Variants in DTNA observed in about 807,000 individuals in gnomAD.
The protein encoded by DTNA is dystrophin-related protein 3.
A neutral mutation model predicts 100.7 loss-of-function variants in DTNA; 43 were observed. The ratio of observed to expected loss-of-function variants is 0.43; its 90% CI spans 0.33 to 0.55. The LOEUF is 0.55. DTNA is among the 20% of genes least tolerant of loss of function. The pLI is 0.04. For synonymous variants in DTNA, 349 were observed against 347.9 expected, an observed-to-expected ratio of 1.00 and a Z score of -0.04; for missense variants, 798 against 953.9, an observed-to-expected ratio of 0.84 and a Z score of 2.15.
chr18:34,530,904 A>G (rs1005751979), intron 1 of DTNA, among the ~76,000 whole-genome samples: 6 of 152,150 alleles, frequency 3.9e-5, no homozygotes, highest in Admixed American at 2.6e-4. Flanking sequence ...GCTTTCTACT[A>G]ATACATCAGC....
At chr18:34,536,357 G>A (rs1047007527) in intron 1 of DTNA, among the ~76,000 whole-genome samples, 8 of 151,714 alleles carry the variant, frequency 5.3e-5, no homozygotes, top group African/African-American at 1.9e-4. Flanking sequence ...GCCTTTCTGC[G>A]AAATGGTTTT....
At chr18:34,517,050 A>T (rs1055198209) in intron 1 of DTNA, among the ~76,000 whole-genome samples, 3 of 152,098 alleles carry the variant, frequency 2.0e-5, no homozygotes, top group Non-Finnish European at 4.4e-5. Context: ...AATTTGGGGA[A>T]CTAATAAATG....
intron 2 of DTNA, among the ~76,000 whole-genome samples, chr18:34,761,355 A>G (rs897653056): frequency 6.6e-6 from 1 of 152,222 alleles, no homozygotes; most frequent in Non-Finnish European, 1.5e-5. Flanking sequence ...AAAAGGCAAA[A>G]CATACAAAAA....
At chr18:34,697,566 T>C (rs902968852) in intron 1 of DTNA, among the ~76,000 whole-genome samples, 5 of 152,010 alleles carry the variant, frequency 3.3e-5, no homozygotes, top group African/African-American at 4.8e-5. Context: ...AAAAGGTTCC[T>C]GAAAAGGGAA....
Position 34,756,002 on chromosome 18 carries a change from GA to G in DTNA, c.29del (p.Asn10IlefsTer13). On this transcript the variant is annotated frameshift_variant, in exon 2 of 23. Transcript: ENST00000444659. LOFTEE classifies it high-confidence loss of function. Reference sequence around the variant, plus strand: ...ATGATTGAAGATAGTGGGAAAAGAGGAAATACCATGGCAGAAAGAAGACAGC... The same window carrying G: ...ATGATTGAAGATAGTGGGAAAAGAGGAATACCATGGCAGAAAGAAGACAGC... MIEDSGKRGNTMAERRQLF... is the reference protein window; with the variant it reads MIEDSGKRXNTMAERRQLF... The G allele has an allele frequency of 6.2e-7, 1 of 1,613,362 alleles. No individual in the cohort carries two copies. Among genetic ancestry groups the G allele is most frequent in the South Asian group, 1.1e-5 (1 of 91,048 alleles).
chr18:34,772,112 C>T (rs558847903), intron 3 of DTNA, among the ~76,000 whole-genome samples: 1 of 152,314 alleles, frequency 6.6e-6, no homozygotes, highest in East Asian at 1.9e-4. Context: ...TTCTATCCTA[C>T]ACCCACAGCT....
In DTNA at chr18:34,666,609, G is replaced by T. The variant is rs1386433977; in HGVS notation, c.-1-89367G>T. Among the ~76,000 whole-genome samples the T allele has an allele frequency of 2.0e-5, 3 of 152,186 alleles. No individual in the cohort carries two copies. The East Asian group carries it at 5.8e-4, about 29-fold the overall frequency. The stretch of plus-strand genomic sequence containing the variant: ...GAATTAATTTTTGTACAAGGTATAA[G>T]GAAGGGATCCAGTTTCAGCTTTCTA... On this transcript the variant is annotated intron_variant, in intron 1 of 19. Transcript: ENST00000283365.
chr18:34,724,182 A>G (rs1050440817), intron 1 of DTNA, among the ~76,000 whole-genome samples: 8 of 152,246 alleles, frequency 5.3e-5, no homozygotes, highest in African/African-American at 1.9e-4. Flanking sequence ...TGACTTGACA[A>G]TAATTATGCC....
At chr18:34,557,805 G>A (rs1007958609) in intron 1 of DTNA, among the ~76,000 whole-genome samples, 2 of 152,252 alleles carry the variant, frequency 1.3e-5, no homozygotes, top group Admixed American at 6.5e-5. Context: ...GTCTGCAGAG[G>A]TTACTGCTGC....
intron 1 of DTNA, among the ~76,000 whole-genome samples, chr18:34,753,380 TTTATTTTTTA>T (rs1171391501): frequency 2.9e-3 from 8 of 2,786 alleles, no homozygotes; most frequent in African/African-American, 0.011. Context: ...TTTTTTTTTT[TTTATTTTTTA>T]TTTTTTTTTT....
At chr18:34,507,498 G>A (rs1169735728) in intron 1 of DTNA, among the ~76,000 whole-genome samples, 1 of 152,142 alleles carries the variant, frequency 6.6e-6, no homozygotes, top group Non-Finnish European at 1.5e-5. Context: ...CTACTTGGTA[G>A]GTTAAGTACA....
intron 1 of DTNA, among the ~76,000 whole-genome samples, chr18:34,613,038 A>G (rs556063118): frequency 9.3e-4 from 142 of 152,252 alleles, no homozygotes; most frequent in African/African-American, 3.1e-3. Context: ...TCTATCTGCC[A>G]TTTTTCCAAC....
intron 1 of DTNA, among the ~76,000 whole-genome samples, chr18:34,599,608 AT>A (rs2051354080): frequency 6.6e-6 from 1 of 152,156 alleles, no homozygotes; most frequent in South Asian, 2.1e-4. Context: ...ATATCCCTTC[AT>A]TTTACTTTTT....
chr18:34,538,816 TTGTA>T (rs1465042877), intron 1 of DTNA, among the ~76,000 whole-genome samples: 1 of 151,976 alleles, frequency 6.6e-6, no homozygotes, highest in African/African-American at 2.4e-5. Context: ...TAATATATAA[TTGTA>T]TGTGTACAGT....
chr18:34,559,347 G>A (rs2046422137), intron 1 of DTNA, among the ~76,000 whole-genome samples: 1 of 152,118 alleles, frequency 6.6e-6, no homozygotes, highest in African/African-American at 2.4e-5. Context: ...GGATAAGTGG[G>A]GGGAAAAATG....
intron 1 of DTNA, among the ~76,000 whole-genome samples, chr18:34,677,749 T>A (rs1600058171): frequency 6.6e-6 from 1 of 152,130 alleles, no homozygotes; most frequent in African/African-American, 2.4e-5. Flanking sequence ...GTTGTAATAA[T>A]ACATTTAATT....
At chr18:34,721,529 C>T (rs975694142) in intron 1 of DTNA, among the ~76,000 whole-genome samples, 2 of 152,190 alleles carry the variant, frequency 1.3e-5, no homozygotes, top group East Asian at 1.9e-4. Context: ...CAAACAAAAA[C>T]GTGACGCAGT....
chr18:34,660,788 G>A (rs2075074447), intron 1 of DTNA, among the ~76,000 whole-genome samples: 1 of 152,158 alleles, frequency 6.6e-6, no homozygotes, highest in African/African-American at 2.4e-5. Flanking sequence ...ATTAGAAATT[G>A]TTTGAATCTA....
intron 8 of DTNA, 118 bp downstream of exon 8, chr18:34,818,448 A>G (rs572150323): frequency 5.2e-6 from 8 of 1,542,954 alleles, no homozygotes; most frequent in Admixed American, 2.0e-5. Context: ...TCCCAGGTCT[A>G]GTATTCAGTC....
Sources: allele counts gnomAD v4.1 joint callset (sites outside exome capture counted in the v4.1 genomes callset), GRCh38; gene constraint gnomAD v4.1.1; transcripts MANE v1.5; gene names NCBI Gene and HGNC (gene_info 2026-07-23, HGNC 2026-07-21).